CTNNA2: variants seen among roughly 807,000 people sequenced by gnomAD.
CTNNA2 encodes catenin alpha 2, also known as catenin alpha-2.
Under a neutral mutation model 101.0 loss-of-function variants are expected in CTNNA2, and 42 were observed. That is an observed-to-expected ratio of 0.42 (90% CI 0.32 to 0.54). The LOEUF (loss-of-function observed/expected upper bound fraction) is 0.54, where lower values mean the gene tolerates loss of function less well. CTNNA2 is among the 20% of genes least tolerant of loss of function. The pLI, the probability that CTNNA2 is intolerant of heterozygous loss-of-function variation, is 0.14. For synonymous variants in CTNNA2, 450 were observed against 456.4 expected, an observed-to-expected ratio of 0.99 and a Z score of 0.18; for missense variants, 871 against 1,223.1, an observed-to-expected ratio of 0.71 and a Z score of 4.29.
chr2:79,637,729 C>A (rs1441311463), intron 1 of CTNNA2, among the ~76,000 whole-genome samples: 2 of 152,166 alleles, frequency 1.3e-5, no homozygotes, highest in African/African-American at 4.8e-5. Context: ...ATTTTCTTAG[C>A]CTGTTCTGCC....
chr2:79,988,309 G>T (rs965943801), intron 7 of CTNNA2, among the ~76,000 whole-genome samples: 3 of 152,178 alleles, frequency 2.0e-5, no homozygotes, highest in Non-Finnish European at 4.4e-5. Flanking sequence ...CACTATCATC[G>T]TGGAGGCCAG....
intron 7 of CTNNA2, among the ~76,000 whole-genome samples, chr2:80,331,240 A>T (rs1232181483): frequency 6.6e-6 from 1 of 152,194 alleles, no homozygotes; most frequent in African/African-American, 2.4e-5. Flanking sequence ...CACATCGGGC[A>T]TGCGGTACCA....
chr2:80,514,464 G>C (rs1264194759), intron 9 of CTNNA2, among the ~76,000 whole-genome samples: 1 of 152,200 alleles, frequency 6.6e-6, no homozygotes, highest in Non-Finnish European at 1.5e-5. Flanking sequence ...CAAACGGCCA[G>C]TGTGACAGCC....
chr2:79,411,261 T>C, intron 4 of CTNNA2, among the ~76,000 whole-genome samples: 1 of 152,132 alleles, frequency 6.6e-6, no homozygotes, highest in African/African-American at 2.4e-5. Context: ...GCTCCTGGAT[T>C]CATTAATTTT....
Position 80,608,294 on chromosome 2 carries a change from G to C in CTNNA2, c.2406G>C (p.Leu802=), listed in dbSNP as rs1698186395. 2 of 1,610,200 alleles carry C rather than the reference G, an allele frequency of 1.2e-6. No individual in the cohort carries two copies. Among genetic ancestry groups the C allele is most frequent in the African/African-American group, 1.3e-5 (1 of 74,820 alleles). The change falls in exon 17 of 19, where the codon CTG becomes CTC. Residue 802 remains leucine, a synonymous_variant. Coordinates refer to ENST00000402739, the MANE Select transcript of CTNNA2 (RefSeq NM_001282597.3). ...AGGTGAAGGCAGAAGTGCAGAATCT[G>C]GGAGGAGAGCTCATTGTGTCAGGGG... ...CSKVKAEVQN[L]GGELIVSGTG...
intron 7 of CTNNA2, among the ~76,000 whole-genome samples, chr2:80,016,649 C>G (rs1694171683): frequency 6.6e-6 from 1 of 152,158 alleles, no homozygotes; most frequent in Non-Finnish European, 1.5e-5. Context: ...ATCTCTGTCT[C>G]TTTGTAGAAA....
intron 4 of CTNNA2, among the ~76,000 whole-genome samples, chr2:79,455,695 G>A (rs543872335): frequency 3.5e-4 from 54 of 152,226 alleles, no homozygotes; most frequent in Admixed American, 7.2e-4. Flanking sequence ...AGAAATAGTC[G>A]TATAAATATT....
intron 2 of CTNNA2, among the ~76,000 whole-genome samples, chr2:79,682,597 C>A (rs1683655900): frequency 6.6e-6 from 1 of 152,008 alleles, no homozygotes. Flanking sequence ...AATGTTCTAA[C>A]AATCTAGAAT....
intron 7 of CTNNA2, among the ~76,000 whole-genome samples, chr2:80,029,003 A>G (rs1312787276): frequency 2.0e-5 from 3 of 152,224 alleles, no homozygotes; most frequent in Admixed American, 1.3e-4. Context: ...CATAGCCACA[A>G]TAGGAGATGA....
intron 17 of CTNNA2, among the ~76,000 whole-genome samples, chr2:80,610,758 A>T (rs1276825954): frequency 6.6e-6 from 1 of 151,754 alleles, no homozygotes; most frequent in Non-Finnish European, 1.5e-5. Flanking sequence ...GTCTTATGTC[A>T]GCGTGTTTTT....
chr2:80,015,640 A>T (rs1209369371), intron 7 of CTNNA2, among the ~76,000 whole-genome samples: 1 of 152,114 alleles, frequency 6.6e-6, no homozygotes, highest in African/African-American at 2.4e-5. Flanking sequence ...CGGCTAGGTG[A>T]TTTTGGATGT....
intron 7 of CTNNA2, among the ~76,000 whole-genome samples, chr2:80,275,603 G>A (rs1410496520): frequency 6.6e-6 from 1 of 152,136 alleles, no homozygotes; most frequent in Non-Finnish European, 1.5e-5. Context: ...TAATTAATAA[G>A]TGATGAATTA....
intron 2 of CTNNA2, among the ~76,000 whole-genome samples, chr2:79,686,415 T>A (rs954303107): frequency 6.6e-6 from 1 of 152,170 alleles, no homozygotes; most frequent in Admixed American, 6.5e-5. Context: ...ATATAAATGC[T>A]TACAATACAC....
chr2:79,702,869 A>G (rs1685104755), intron 2 of CTNNA2, among the ~76,000 whole-genome samples: 1 of 152,178 alleles, frequency 6.6e-6, no homozygotes, highest in South Asian at 2.1e-4. Flanking sequence ...ACGAAAGTCT[A>G]AACTGTGGGC....
chr2:79,269,416 T>C (rs1485445986), intron 2 of CTNNA2, among the ~76,000 whole-genome samples: 4 of 152,056 alleles, frequency 2.6e-5, no homozygotes, highest in Non-Finnish European at 4.4e-5. Context: ...TTTCCAAGGG[T>C]GGCCCTCAGG....
At chr2:79,962,828 T>C (rs909804440) in intron 7 of CTNNA2, among the ~76,000 whole-genome samples, 1 of 152,024 alleles carries the variant, frequency 6.6e-6, no homozygotes, top group African/African-American at 2.4e-5. Context: ...TCCCAGCACT[T>C]TGGGAGGCCG....
At chr2:79,883,129 A>G (rs776925083) in intron 6 of CTNNA2, among the ~76,000 whole-genome samples, 2 of 152,198 alleles carry the variant, frequency 1.3e-5, no homozygotes, top group Non-Finnish European at 2.9e-5. Context: ...CTAGTTGGCC[A>G]TCTTGGTCCT....
intron 4 of CTNNA2, among the ~76,000 whole-genome samples, chr2:79,389,336 G>A (rs1678140924): frequency 6.6e-6 from 1 of 152,110 alleles, no homozygotes; most frequent in African/African-American, 2.4e-5. Context: ...ATGTCAAGCA[G>A]ACATCAGTCA....
At chr2:80,497,040 T>C (rs1200183008) in intron 9 of CTNNA2, among the ~76,000 whole-genome samples, 1 of 152,186 alleles carries the variant, frequency 6.6e-6, no homozygotes, top group African/African-American at 2.4e-5. Context: ...GTGTTGAGGA[T>C]GAAGGAGGAG....
Sources: gnomAD v4.1 joint callset for allele counts (sites outside exome capture counted in the v4.1 genomes callset) on GRCh38, gnomAD v4.1.1 for gene constraint, MANE v1.5 for transcripts, NCBI Gene and HGNC (gene_info 2026-07-23, HGNC 2026-07-21) for gene names.